The following CDH13 variants were observed in gnomAD, a reference collection of about 807,000 sequenced individuals.
The protein encoded by CDH13 is cadherin-13.
In CDH13, 24 loss-of-function variants were observed where a neutral mutation model predicts 63.8. The observed-to-expected ratio is 0.38, with a 90% CI of 0.27 to 0.53. The LOEUF is 0.53. CDH13 is among the 20% of genes least tolerant of loss of function. CDH13 has a pLI of 0.85. For missense variants in CDH13, 1,049 were observed against 903.1 expected, an observed-to-expected ratio of 1.16 and a Z score of -2.07; for synonymous variants, 503 against 355.3, an observed-to-expected ratio of 1.42 and a Z score of -4.67.
intron 7 of CDH13, among the ~76,000 whole-genome samples, chr16:83,500,496 TCC>T (rs1242927263): frequency 0.011 from 3 of 282 alleles, no homozygotes; most frequent in African/African-American, 0.01. Context: ...TCCCTCCTCC[TCC>T]CCCTCCCCCT....
chr16:83,088,595 A>T (rs1229497100), intron 3 of CDH13, among the ~76,000 whole-genome samples: 1 of 152,158 alleles, frequency 6.6e-6, no homozygotes, highest in African/African-American at 2.4e-5. Flanking sequence ...TATAAAGTAA[A>T]GGTGTTATTA....
chr16:83,003,701 A>T (rs1913181643), intron 2 of CDH13, among the ~76,000 whole-genome samples: 1 of 152,220 alleles, frequency 6.6e-6, no homozygotes. Context: ...CTCTCTTCAC[A>T]TAGCATTAGA....
At chr16:83,147,820 C>T (rs2036814890) in intron 4 of CDH13, among the ~76,000 whole-genome samples, 1 of 152,146 alleles carries the variant, frequency 6.6e-6, no homozygotes, top group African/African-American at 2.4e-5. Flanking sequence ...CCTCACTCAT[C>T]TTGGTCTCTG....
At chr16:83,229,208 A>G (rs948753969) in intron 5 of CDH13, among the ~76,000 whole-genome samples, 4 of 152,146 alleles carry the variant, frequency 2.6e-5, no homozygotes, top group African/African-American at 9.7e-5. Context: ...CAAGTCAACA[A>G]TAACATTCAA....
At chr16:83,397,397 T>C (rs1305480470) in intron 6 of CDH13, 1 of 152,192 alleles carries the variant, frequency 6.6e-6, no homozygotes, top group Admixed American at 6.5e-5. Flanking sequence ...TGCTCTAATT[T>C]GAGAAAATAC....
At chr16:83,128,693 C>A (rs553750643) in intron 4 of CDH13, among the ~76,000 whole-genome samples, 1 of 152,244 alleles carries the variant, frequency 6.6e-6, no homozygotes, top group Non-Finnish European at 1.5e-5. Context: ...AATTTTCTCA[C>A]AAGCCTCTTT....
intron 6 of CDH13, among the ~76,000 whole-genome samples, chr16:83,469,792 C>T (rs76326680): frequency 0.026 from 3,901 of 152,202 alleles, 172 homozygotes; most frequent in African/African-American, 0.088. Flanking sequence ...TTTCTTCTTT[C>T]CTGCGGTGGG....
At chr16:83,076,615 T>TA (rs1350769223) in intron 3 of CDH13, among the ~76,000 whole-genome samples, 4 of 151,890 alleles carry the variant, frequency 2.6e-5, no homozygotes, top group Non-Finnish European at 5.9e-5. Context: ...ATACTTGCTT[T>TA]ATATATATAA....
intron 1 of CDH13, among the ~76,000 whole-genome samples, chr16:82,679,191 A>G (rs912276457): frequency 1.3e-5 from 2 of 152,140 alleles, no homozygotes; most frequent in Non-Finnish European, 1.5e-5. Flanking sequence ...TGGGTATTCC[A>G]TTGTAAGGAG....
At chr16:83,333,806 C>T (rs13333697) in intron 5 of CDH13, among the ~76,000 whole-genome samples, 59,917 of 152,108 alleles carry the variant, frequency 0.39, 12,213 homozygotes, top group East Asian at 0.49. Flanking sequence ...CCTGTTGTTT[C>T]GGCTTCATTG....
chr16:82,829,889 G>T (rs2038448783), intron 1 of CDH13, among the ~76,000 whole-genome samples: 1 of 152,148 alleles, frequency 6.6e-6, no homozygotes, highest in Non-Finnish European at 1.5e-5. Context: ...TTGTCAAAAT[G>T]CCTCATCTCC....
At chr16:83,030,687 C>T (rs1479839564) in intron 2 of CDH13, among the ~76,000 whole-genome samples, 1 of 147,748 alleles carries the variant, frequency 6.8e-6, no homozygotes, top group Non-Finnish European at 1.5e-5. Context: ...TTCTGATGCA[C>T]CCCAATCCTT....
intron 8 of CDH13, among the ~76,000 whole-genome samples, chr16:83,661,882 G>A (rs576326531): frequency 3.9e-5 from 6 of 152,324 alleles, no homozygotes; most frequent in African/African-American, 1.2e-4. Flanking sequence ...TGCAGTGAAT[G>A]TTTCCCTTTC....
chr16:83,215,622 C>A (rs1017386981), intron 4 of CDH13, among the ~76,000 whole-genome samples: 1 of 150,436 alleles, frequency 6.6e-6, no homozygotes, highest in African/African-American at 2.5e-5. Context: ...GGCTTGGCGG[C>A]AGCTAAAGTG....
intron 4 of CDH13, among the ~76,000 whole-genome samples, chr16:83,151,484 A>ACTAGTTAT (rs1460716445): frequency 1.3e-5 from 2 of 152,222 alleles, no homozygotes; most frequent in Non-Finnish European, 2.9e-5. Flanking sequence ...AGACCTGGAA[A>ACTAGTTAT]CTAGTTATTC....
At chr16:83,301,466 G>A (rs1261995296) in intron 5 of CDH13, among the ~76,000 whole-genome samples, 1 of 152,020 alleles carries the variant, frequency 6.6e-6, no homozygotes, top group Non-Finnish European at 1.5e-5. Context: ...TCATCATTTC[G>A]GAGTTTTTCT....
At chr16:83,322,630 G>T (rs1050260321) in intron 5 of CDH13, among the ~76,000 whole-genome samples, 28 of 152,270 alleles carry the variant, frequency 1.8e-4, no homozygotes, top group African/African-American at 6.7e-4. Context: ...AGAGGTCTCT[G>T]CAGTGAGCAG....
intron 2 of CDH13, among the ~76,000 whole-genome samples, chr16:82,905,167 C>G (rs531936013): frequency 1.3e-5 from 2 of 152,126 alleles, no homozygotes; most frequent in East Asian, 3.9e-4. Flanking sequence ...CTGTAACCAT[C>G]CGGTGTGTTT....
At chr16:83,125,314 T>C (rs2035761670) in intron 3 of CDH13, 71 bp from the exon 4 acceptor site, 2 of 830,018 alleles carry the variant, frequency 2.4e-6, no homozygotes, top group African/African-American at 3.4e-5. Context: ...ACAAAGGAAC[T>C]CTATCTCGGA....
Sources: gnomAD v4.1 joint callset for allele counts (sites outside exome capture counted in the v4.1 genomes callset) on GRCh38, gnomAD v4.1.1 for gene constraint, MANE v1.5 for transcripts, NCBI Gene and HGNC (gene_info 2026-07-23, HGNC 2026-07-21) for gene names.